ZNF385C: variants seen among roughly 807,000 people sequenced by gnomAD.
ZNF385C encodes the protein zinc finger protein 385C.
A neutral mutation model predicts 35.4 loss-of-function variants in ZNF385C; 28 were observed. The observed-to-expected ratio is 0.79, with a 90% CI of 0.59 to 1.08. ZNF385C has a LOEUF of 1.08. ZNF385C is among the 50% of genes least tolerant of loss of function. The pLI, the probability that ZNF385C is intolerant of heterozygous loss-of-function variation, is 0.00. For missense variants in ZNF385C, 605 were observed against 595.6 expected (o/e 1.02, Z -0.16); for synonymous variants, 248 against 248.2 (o/e 1.00, Z 0.01).
At chr17:42,086,996 A>G (rs1476444765) in intron 1 of ZNF385C, among the ~76,000 whole-genome samples, 2 of 151,682 alleles carry the variant, frequency 1.3e-5, no homozygotes, top group Non-Finnish European at 2.9e-5. Context: ...AATTTTTTGT[A>G]CTTTTAGTAG....
chr17:42,059,432 T>C lies in ZNF385C; in HGVS notation c.250+3375A>G, dbSNP rs1342583035. 1.5e-4 allele frequency among the ~76,000 whole-genome samples: 23 copies of C among 152,174 alleles called. 1 individual carries two copies. Among genetic ancestry groups the C allele is most frequent in the Admixed American group, 1.5e-3 (23 of 15,280 alleles). Reference sequence around the variant, plus strand: ...ACAGGTCCAATTTAACAATCTGGACTGGAGTATCAGGCCTCACGTCTCCTG... The same window carrying C: ...ACAGGTCCAATTTAACAATCTGGACCGGAGTATCAGGCCTCACGTCTCCTG... On this transcript the variant is annotated intron_variant, in intron 2 of 8. Transcript: ENST00000692273.
At chr17:42,036,594 G>C (rs966406135) in intron 3 of ZNF385C, among the ~76,000 whole-genome samples, 1 of 152,122 alleles carries the variant, frequency 6.6e-6, no homozygotes, top group Non-Finnish European at 1.5e-5. Context: ...AGAAAACAGA[G>C]CTTAGAGAGA....
chr17:42,058,948 C>T (rs1023527980), intron 2 of ZNF385C, among the ~76,000 whole-genome samples: 5 of 152,228 alleles, frequency 3.3e-5, no homozygotes, highest in South Asian at 4.1e-4. Context: ...TGAGCCACCG[C>T]GCCTGACCAA....
chr17:42,026,606 G>A lies in ZNF385C; in HGVS notation c.*291C>T, dbSNP rs1291387268. Reference sequence around the variant, plus strand: ...CTGGCCATGTGGGTCTTGGGTGGAGGAAAGTGAGAGCACCACATGGCTGGG... The same window carrying A: ...CTGGCCATGTGGGTCTTGGGTGGAGAAAAGTGAGAGCACCACATGGCTGGG... On this transcript the variant is annotated 3_prime_UTR_variant, in exon 9 of 9. Transcript: ENST00000692273. The A allele has an allele frequency of 4.2e-6, 2 of 474,272 alleles. No homozygotes were observed. Among genetic ancestry groups the A allele is most frequent in the Non-Finnish European group, 7.7e-6 (2 of 260,672 alleles). 29.4% of individuals were successfully genotyped at this position (474,272 alleles called of 1,614,324 possible). A position where few individuals can be genotyped will look rare whatever the true frequency, so the allele number is the denominator to read the frequency against.
intron 3 of ZNF385C, among the ~76,000 whole-genome samples, chr17:42,036,105 C>T (rs2052851033): frequency 6.6e-6 from 1 of 152,176 alleles, no homozygotes; most frequent in African/African-American, 2.4e-5. Flanking sequence ...AGCGATTCTC[C>T]TGCCTCAGCC....
At chr17:42,086,562 C>G in intron 1 of ZNF385C, among the ~76,000 whole-genome samples, 1 of 151,688 alleles carries the variant, frequency 6.6e-6, no homozygotes, top group South Asian at 2.1e-4. Context: ...ATTAGCCAGC[C>G]ATGGTGGCGT....
At chr17:42,090,651 T>G (rs1409547439) in intron 1 of ZNF385C, among the ~76,000 whole-genome samples, 2 of 151,606 alleles carry the variant, frequency 1.3e-5, no homozygotes, top group African/African-American at 4.8e-5. Context: ...TCCCAGCACT[T>G]TGGGAAGCAG....
At chr17:42,035,671 C>T (rs1405780088) in intron 3 of ZNF385C, among the ~76,000 whole-genome samples, 1 of 151,274 alleles carries the variant, frequency 6.6e-6, no homozygotes, top group Non-Finnish European at 1.5e-5. Flanking sequence ...GCTGCCTCAG[C>T]CTCCCGAGTA....
intron 2 of ZNF385C, among the ~76,000 whole-genome samples, chr17:42,042,536 T>A (rs868913505): frequency 6.6e-6 from 1 of 150,690 alleles, no homozygotes; most frequent in Admixed American, 6.6e-5. Context: ...AAAAAAAAAA[T>A]TAAATACATC....
At chr17:42,093,555 A>ATT (rs1424014291) in intron 1 of ZNF385C, among the ~76,000 whole-genome samples, 3 of 149,196 alleles carry the variant, frequency 2.0e-5, no homozygotes, top group African/African-American at 7.4e-5. Context: ...TCAGCTCTTT[A>ATT]TTTTTTTTAC....
At chr17:42,055,560 G>C (rs1369999368) in intron 2 of ZNF385C, among the ~76,000 whole-genome samples, 2 of 152,166 alleles carry the variant, frequency 1.3e-5, no homozygotes, top group African/African-American at 4.8e-5. Flanking sequence ...AGTGGCCTTG[G>C]GGGAGCACAG....
intron 1 of ZNF385C, among the ~76,000 whole-genome samples, chr17:42,091,713 C>T (rs1555660574): frequency 6.6e-6 from 1 of 152,238 alleles, no homozygotes; most frequent in African/African-American, 2.4e-5. Flanking sequence ...TAGGGAGAGT[C>T]TCATTCCCAA....
chr17:42,063,566 CAAAAAA>C (rs2053498492), intron 1 of ZNF385C, among the ~76,000 whole-genome samples: 1 of 152,076 alleles, frequency 6.6e-6, no homozygotes, highest in South Asian at 2.1e-4. Flanking sequence ...AAAACAAAAA[CAAAAAA>C]ACTTGGGACT....
chr17:42,054,264 C>T lies in ZNF385C; in HGVS notation c.250+8543G>A, dbSNP rs1598193510. On this transcript the variant is annotated intron_variant, in intron 2 of 8. Transcript: ENST00000692273. ...ACAGGGACCTCCAGGGAAGGAGGAGCTGCTGGTCCTGCTCTGCCTGCTGGA... is the reference window on the plus strand; with the variant it reads ...ACAGGGACCTCCAGGGAAGGAGGAGTTGCTGGTCCTGCTCTGCCTGCTGGA... Among the ~76,000 whole-genome samples, 3 of 152,344 alleles carry T rather than the reference C, an allele frequency of 2.0e-5. No homozygotes were observed. In the East Asian group the frequency reaches 5.8e-4, roughly 29 times the overall value.
At chr17:42,083,395 G>A (rs1555659888) in intron 1 of ZNF385C, among the ~76,000 whole-genome samples, 1 of 151,712 alleles carries the variant, frequency 6.6e-6, no homozygotes, top group East Asian at 2.0e-4. Context: ...GGTAGAGACG[G>A]GGTTTCACCA....
chr17:42,079,008 C>G (rs1038456640), intron 1 of ZNF385C, among the ~76,000 whole-genome samples: 1 of 151,658 alleles, frequency 6.6e-6, no homozygotes, highest in Admixed American at 6.6e-5. Context: ...AATAATAACT[C>G]CTCTGACTCA....
chr17:42,045,635 G>A (rs1555656570), intron 2 of ZNF385C, among the ~76,000 whole-genome samples: 2 of 152,202 alleles, frequency 1.3e-5, no homozygotes, highest in African/African-American at 2.4e-5. Flanking sequence ...ACCCTGGTCT[G>A]TACTGTCTCT....
intron 1 of ZNF385C, among the ~76,000 whole-genome samples, chr17:42,064,073 TACACAC>T (rs55771386): frequency 0.027 from 3,538 of 129,766 alleles, 66 homozygotes; most frequent in African/African-American, 0.045. Context: ...CACACGCACA[TACACAC>T]ACACACACAC....
At chr17:42,074,353 G>A (rs1567994777) in intron 1 of ZNF385C, among the ~76,000 whole-genome samples, 1 of 151,966 alleles carries the variant, frequency 6.6e-6, no homozygotes, top group East Asian at 1.9e-4. Flanking sequence ...TGGGGGAATT[G>A]TATGGTATGC....
Sources: gnomAD v4.1 joint callset for allele counts (sites outside exome capture counted in the v4.1 genomes callset) on GRCh38, gnomAD v4.1.1 for gene constraint, MANE v1.5 for transcripts, NCBI Gene and HGNC (gene_info 2026-07-23, HGNC 2026-07-21) for gene names.